The following NAALADL2 variants were observed in gnomAD, a reference collection of about 807,000 sequenced individuals.
The protein encoded by NAALADL2 is N-acetylated alpha-linked acidic dipeptidase like 2.
Under a neutral mutation model 87.2 loss-of-function variants are expected in NAALADL2, and 76 were observed. The observed-to-expected ratio is 0.87, with a 90% CI of 0.72 to 1.05. NAALADL2 has a LOEUF of 1.05. Among genes scored for constraint, NAALADL2 ranks in the 50% least tolerant of loss-of-function variants. NAALADL2 has a pLI of 0.00. For synonymous variants in NAALADL2, 354 were observed against 331.0 expected (o/e 1.07, Z -0.75); for missense variants, 1,089 against 945.8 (o/e 1.15, Z -1.99).
intron 5 of NAALADL2, among the ~76,000 whole-genome samples, chr3:175,336,551 C>T (rs904579391): frequency 2.6e-5 from 4 of 152,168 alleles, no homozygotes; most frequent in Non-Finnish European, 4.4e-5. Context: ...TAGGAAAGGG[C>T]AGGGCTGATT....
At chr3:174,599,615 T>A (rs1718250532) in intron 2 of NAALADL2, among the ~76,000 whole-genome samples, 2 of 152,208 alleles carry the variant, frequency 1.3e-5, no homozygotes, top group African/African-American at 4.8e-5. Flanking sequence ...GATACCTGAT[T>A]ATTTTCAAAT....
At chr3:175,016,879 C>T (rs61029618) in intron 1 of NAALADL2, among the ~76,000 whole-genome samples, 8,121 of 151,886 alleles carry the variant, frequency 0.053, 322 homozygotes, top group African/African-American at 0.11. Flanking sequence ...TCAGGGTGAT[C>T]GGGTTATCTA....
At chr3:175,403,753 C>T (rs144788013) in intron 5 of NAALADL2, among the ~76,000 whole-genome samples, 3 of 152,078 alleles carry the variant, frequency 2.0e-5, no homozygotes, top group African/African-American at 7.2e-5. Flanking sequence ...ACTCATTAGA[C>T]ATCATTGACA....
chr3:174,570,979 A>G (rs1714852318), intron 2 of NAALADL2, among the ~76,000 whole-genome samples: 1 of 152,168 alleles, frequency 6.6e-6, no homozygotes, highest in African/African-American at 2.4e-5. Context: ...TATAACTGCG[A>G]TTCTCCAAAT....
intron 13 of NAALADL2, among the ~76,000 whole-genome samples, chr3:175,785,587 C>T (rs1267901242): frequency 7.2e-6 from 1 of 139,360 alleles, no homozygotes. Context: ...TTATTTTGAG[C>T]CTGTGTGTGT....
chr3:175,785,123 A>G (rs1751742492), intron 13 of NAALADL2, among the ~76,000 whole-genome samples: 1 of 150,652 alleles, frequency 6.6e-6, no homozygotes, highest in Non-Finnish European at 1.5e-5. Context: ...TTTACTTCCA[A>G]CTATGTGGTC....
intron 3 of NAALADL2, among the ~76,000 whole-genome samples, chr3:174,834,219 T>G (rs960287386): frequency 6.7e-6 from 1 of 148,784 alleles, no homozygotes; most frequent in Non-Finnish European, 1.5e-5. Context: ...TATAATTATC[T>G]AAACAGAAGA....
rs554100532 is a variant in NAALADL2, at chr3:175,692,231, A to G, written c.1897-45075A>G. ...CTTTTTTTTTGCCAATTTTCTTAAA[A>G]CTATAAATCATGCTTAATTAATTCA... On this transcript the variant is annotated intron_variant, in intron 11 of 13. Transcript: ENST00000454872. Among the ~76,000 whole-genome samples the G allele has an allele frequency of 2.0e-5, 3 of 152,232 alleles. No homozygotes were observed. In the South Asian group the frequency reaches 6.2e-4, roughly 32 times the overall value.
chr3:175,298,514 A>T (rs1756652250), intron 4 of NAALADL2, among the ~76,000 whole-genome samples: 1 of 152,160 alleles, frequency 6.6e-6, no homozygotes, highest in Admixed American at 6.6e-5. Context: ...TTATTGTTCC[A>T]TTTGAACTTC....
At chr3:174,947,414 A>G (rs937772367) in intron 1 of NAALADL2, among the ~76,000 whole-genome samples, 13 of 152,192 alleles carry the variant, frequency 8.5e-5, no homozygotes, top group African/African-American at 3.1e-4. Context: ...ATTTATAGGC[A>G]TAATCTGAAT....
intron 3 of NAALADL2, among the ~76,000 whole-genome samples, chr3:174,802,465 T>C (rs1285057303): frequency 1.3e-5 from 2 of 152,198 alleles, no homozygotes; most frequent in Non-Finnish European, 2.9e-5. Flanking sequence ...ACATGACTTC[T>C]GTATATAATG....
intron 11 of NAALADL2, among the ~76,000 whole-genome samples, chr3:175,720,381 A>G (rs1742067533): frequency 6.6e-6 from 1 of 152,148 alleles, no homozygotes; most frequent in South Asian, 2.1e-4. Context: ...TTGAAAAAGG[A>G]ATGTATATAA....
chr3:174,862,023 C>A (rs1726569316), intron 1 of NAALADL2, among the ~76,000 whole-genome samples: 1 of 151,878 alleles, frequency 6.6e-6, no homozygotes, highest in South Asian at 2.1e-4. Context: ...GACAAGGTAA[C>A]CCCAGCGGAG....
At chr3:175,592,264 A>G (rs570180382) in intron 10 of NAALADL2, among the ~76,000 whole-genome samples, 1 of 146,502 alleles carries the variant, frequency 6.8e-6, no homozygotes, top group East Asian at 2.0e-4. Context: ...ATCATTGACT[A>G]TTTTGTTCCT....
At chr3:175,595,920 C>A (rs1722187653) in intron 10 of NAALADL2, among the ~76,000 whole-genome samples, 1 of 151,770 alleles carries the variant, frequency 6.6e-6, no homozygotes, top group Non-Finnish European at 1.5e-5. Flanking sequence ...CAAAGGGGAG[C>A]CTGAATAATC....
chr3:175,405,920 C>A (rs1471698901), intron 5 of NAALADL2, among the ~76,000 whole-genome samples: 3 of 152,042 alleles, frequency 2.0e-5, no homozygotes, highest in Non-Finnish European at 2.9e-5. Flanking sequence ...TTGCATATTT[C>A]TTTTTTTATT....
At position 175,007,428 on chromosome 3, in the gene NAALADL2, G is replaced by T. The variant is rs1054879817; in HGVS notation, c.44-89362G>T. ...ACATGGGCTATCTTCAGGCATGGGAGTAGAGTTGGGAAGATAAAGAGATCT... is the reference window on the plus strand; with the variant it reads ...ACATGGGCTATCTTCAGGCATGGGATTAGAGTTGGGAAGATAAAGAGATCT... On this transcript the variant is annotated intron_variant, in intron 1 of 13. Coordinates refer to ENST00000454872, the MANE Select transcript of NAALADL2 (RefSeq NM_207015.3). Among the ~76,000 whole-genome samples, 3 of 152,154 alleles carry T rather than the reference G, an allele frequency of 2.0e-5. No individual in the cohort carries two copies. The South Asian group carries it at 6.2e-4, about 32-fold the overall frequency.
At chr3:174,774,556 C>G (rs868839846) in intron 3 of NAALADL2, among the ~76,000 whole-genome samples, 1 of 152,118 alleles carries the variant, frequency 6.6e-6, no homozygotes, top group East Asian at 1.9e-4. Context: ...GGAAGTGTCA[C>G]GATAGTTGGT....
intron 9 of NAALADL2, among the ~76,000 whole-genome samples, chr3:175,523,981 A>G (rs1733040139): frequency 6.6e-6 from 1 of 152,162 alleles, no homozygotes; most frequent in Non-Finnish European, 1.5e-5. Context: ...TCTCTGATTT[A>G]TTATAGTTCT....
Sources: gnomAD v4.1 joint callset for allele counts (sites outside exome capture counted in the v4.1 genomes callset) on GRCh38, gnomAD v4.1.1 for gene constraint, MANE v1.5 for transcripts, NCBI Gene and HGNC (gene_info 2026-07-23, HGNC 2026-07-21) for gene names.